Variants in STS observed in about 807,000 individuals in gnomAD.
STS encodes steryl-sulfatase.
Under a neutral mutation model 26.8 loss-of-function variants are expected in STS, and 7 were observed. That is an observed-to-expected ratio of 0.26 (90% CI 0.15 to 0.49). The LOEUF is 0.49. Ranked by LOEUF, STS falls within the 20% of genes least tolerant of loss-of-function variation. STS has a pLI of 0.98. For missense variants in STS, 434 were observed against 465.6 expected (o/e 0.93, Z 0.63); for synonymous variants, 199 against 189.4 (o/e 1.05, Z -0.42).
At chrX:7,199,520 CT>C (rs1459075834) in intron 2 of STS, among the ~76,000 whole-genome samples, 2 of 111,543 alleles carry the variant, frequency 1.8e-5, no homozygotes, top group African/African-American at 6.5e-5. Context: ...CTTGCTTAGA[CT>C]TCTAAATTTT....
chrX:7,259,714 A>G lies in STS; in HGVS notation c.748A>G (p.Met250Val). Residue 250 changes from methionine to valine, a missense_variant, in exon 6 of 11, where the codon ATG becomes GTG. Met to Val is a conservative substitution (Grantham distance 21). Coordinates refer to ENST00000674429, the MANE Select transcript of STS (RefSeq NM_001320752.2). ...MRNYEIIQQP[M>V]SYDNLTQRLT... ...GAACTACGAGATCATTCAGCAGCCCATGTCCTATGACAATCTCACCCAGAG... is the reference window on the plus strand; with the variant it reads ...GAACTACGAGATCATTCAGCAGCCCGTGTCCTATGACAATCTCACCCAGAG... 2 of 1,211,015 alleles carry G rather than the reference A, an allele frequency of 1.7e-6. No homozygotes were observed. Among genetic ancestry groups the G allele is most frequent in the Non-Finnish European group, 2.2e-6 (2 of 895,281 alleles).
chrX:7,241,098 T>C (rs1045585236), intron 2 of STS, among the ~76,000 whole-genome samples: 1 of 111,430 alleles, frequency 9.0e-6, no homozygotes, highest in African/African-American at 3.3e-5. Context: ...AACCAACCAA[T>C]GCGCACAGTT....
intron 1 of STS, among the ~76,000 whole-genome samples, chrX:7,189,850 G>C (rs1434585345): frequency 1.8e-5 from 2 of 111,170 alleles, no homozygotes; most frequent in Non-Finnish European, 3.8e-5. Flanking sequence ...AGTCAACAGT[G>C]GGGGAGCCTG....
At chrX:7,295,290 C>T (rs1925610362) in intron 7 of STS, among the ~76,000 whole-genome samples, 1 of 111,429 alleles carries the variant, frequency 9.0e-6, no homozygotes, top group African/African-American at 3.3e-5. Flanking sequence ...GTGGAACATT[C>T]CTCCTCCATG....
chrX:7,261,962 T>C (rs1886000623), intron 6 of STS, among the ~76,000 whole-genome samples: 1 of 112,320 alleles, frequency 8.9e-6, no homozygotes, highest in Non-Finnish European at 1.9e-5. Flanking sequence ...TGTTAAAATC[T>C]AAATTGTCAT....
chrX:7,189,158 A>AT (rs1200589218), intron 1 of STS, among the ~76,000 whole-genome samples: 135 of 110,557 alleles, frequency 1.2e-3, no homozygotes, highest in African/African-American at 3.9e-3. Context: ...TCTTGTGAAT[A>AT]TTTTTTTTTA....
chrX:7,224,388 T>C (rs1795627323), intron 2 of STS, among the ~76,000 whole-genome samples: 2 of 111,464 alleles, frequency 1.8e-5, no homozygotes, highest in South Asian at 7.7e-4. Flanking sequence ...GTCCCTTCAC[T>C]TGTGCAATGG....
At chrX:7,215,094 T>C (rs1339334381) in intron 2 of STS, among the ~76,000 whole-genome samples, 1 of 87,207 alleles carries the variant, frequency 1.1e-5, no homozygotes, top group Non-Finnish European at 2.2e-5. Context: ...TACGTATATA[T>C]GTGTATATAT....
chrX:7,226,735 A>C (rs1324249631), intron 2 of STS, among the ~76,000 whole-genome samples: 1 of 110,450 alleles, frequency 9.1e-6, no homozygotes. Flanking sequence ...CTCTACAAAA[A>C]TAAAAAAATT....
intron 1 of STS, among the ~76,000 whole-genome samples, chrX:7,157,922 A>G (rs767359834): frequency 8.9e-6 from 1 of 111,806 alleles, no homozygotes; most frequent in South Asian, 3.8e-4. Flanking sequence ...GATGGAAAAA[A>G]ATGGCATTCT....
Position 7,328,885 on chromosome X carries a change from G to A in STS, c.1241+3387G>A, listed in dbSNP as rs1000216647. On this transcript the variant is annotated intron_variant, in intron 9 of 10. Transcript: ENST00000674429. ...TAATTTTTGTATTTTTAGTAGAGATGGGGTTTCACCATGTTGGCCAGGCTG... is the reference window on the plus strand; with the variant it reads ...TAATTTTTGTATTTTTAGTAGAGATAGGGTTTCACCATGTTGGCCAGGCTG... 2.5e-4 allele frequency among the ~76,000 whole-genome samples: 28 copies of A among 111,298 alleles called. No individual in the cohort carries two copies. In the Admixed American group the frequency reaches 2.6e-3, roughly 10 times the overall value.
At chrX:7,306,062 G>T (rs1375247539) in intron 8 of STS, among the ~76,000 whole-genome samples, 6 of 111,432 alleles carry the variant, frequency 5.4e-5, no homozygotes, top group African/African-American at 2.0e-4. Flanking sequence ...GGTGGATTGG[G>T]CATCATGCTA....
chrX:7,335,224 A>G (rs1238513926), intron 10 of STS, among the ~76,000 whole-genome samples: 1 of 112,319 alleles, frequency 8.9e-6, no homozygotes, highest in Non-Finnish European at 1.9e-5. Flanking sequence ...ACTCCCACCA[A>G]CAGTGTAAAA....
intron 2 of STS, among the ~76,000 whole-genome samples, chrX:7,233,673 G>A: frequency 8.9e-6 from 1 of 111,798 alleles, no homozygotes; most frequent in Non-Finnish European, 1.9e-5. Context: ...CAGCAATTAT[G>A]AGACAGCTTG....
chrX:7,323,950 GA>G (rs769811213), intron 8 of STS, among the ~76,000 whole-genome samples: 85 of 111,184 alleles, frequency 7.6e-4, no homozygotes, highest in Non-Finnish European at 1.3e-3. Flanking sequence ...TCTTTCCCTT[GA>G]AAGAACCCTG....
Position 7,350,510 on chromosome X carries a change from C to T in STS, c.*249C>T, listed in dbSNP as rs1928750506. On this transcript the variant is annotated 3_prime_UTR_variant, in exon 11 of 11. Transcript: ENST00000674429. ...TGCCTTCTGTGGCCAGAGTCTTGGACTCATGGAAATAGAATGAATAGAGGG... is the reference window on the plus strand; with the variant it reads ...TGCCTTCTGTGGCCAGAGTCTTGGATTCATGGAAATAGAATGAATAGAGGG... 2.4e-6 allele frequency: 1 copy of T among 411,391 alleles called. No individual in the cohort carries two copies. The highest frequency in any genetic ancestry group is 4.2e-6 in the Non-Finnish European group (1 of 239,020). 33.9% of individuals were successfully genotyped at this position (411,391 alleles called of 1,213,427 possible). A position where few individuals can be genotyped will look rare whatever the true frequency, so the allele number is the denominator to read the frequency against.
chrX:7,253,101 A>T, intron 2 of STS, 95 bp from the exon 3 acceptor site: 1 of 1,049,121 alleles, frequency 9.5e-7, no homozygotes, highest in Non-Finnish European at 1.3e-6. Flanking sequence ...CAGTGAGCTA[A>T]GATCCTACCA....
At chrX:7,321,490 A>T (rs1315056762) in intron 8 of STS, among the ~76,000 whole-genome samples, 1 of 112,101 alleles carries the variant, frequency 8.9e-6, no homozygotes, top group Non-Finnish European at 1.9e-5. Context: ...TCTGAAAAAC[A>T]CACTAGAGCA....
chrX:7,333,494 T>G (rs868371680), intron 9 of STS, among the ~76,000 whole-genome samples: 8 of 112,344 alleles, frequency 7.1e-5, no homozygotes, highest in Middle Eastern at 4.6e-3. Context: ...CATTGCAGTC[T>G]ACGAATCCAA....
Sources: allele counts gnomAD v4.1 joint callset (sites outside exome capture counted in the v4.1 genomes callset), GRCh38; gene constraint gnomAD v4.1.1; transcripts MANE v1.5; gene names NCBI Gene and HGNC (gene_info 2026-07-23, HGNC 2026-07-21).